The following FOXK2 variants were observed in gnomAD, a reference collection of about 807,000 sequenced individuals.
FOXK2 encodes forkhead box K2.
FOXK2 carries 24 observed loss-of-function variants against 53.3 expected under a neutral mutation model. The ratio of observed to expected loss-of-function variants is 0.45; its 90% confidence interval spans 0.33 to 0.63. The LOEUF (loss-of-function observed/expected upper bound fraction) is 0.63, where lower values mean the gene tolerates loss of function less well. Among genes scored for constraint, FOXK2 ranks in the 30% least tolerant of loss-of-function variants. The pLI is 0.03. For synonymous variants in FOXK2, 505 were observed against 407.1 expected (o/e 1.24, Z -2.89); for missense variants, 952 against 910.5 (o/e 1.05, Z -0.59).
Position 82,582,799 on chromosome 17 carries a change from A to G in FOXK2, c.968A>G (p.Gln323Arg). Reference protein sequence around the residue: ...NRYFIKVPRSQEEPGKGSFWR... With the variant: ...NRYFIKVPRSREEPGKGSFWR... ...TATTTCATCAAAGTGCCGCGTTCCC[A>G]GGAAGAACCAGGCAAAGGCTCGTTC... The change falls in exon 5 of 9, where the codon CAG (glutamine) becomes CGG (arginine). Residue 323 changes from glutamine (Q) to arginine (R), a missense_variant. This residue lies in a region of FOXK2 where 160 missense variants were observed against 214.2 expected (regional missense o/e 0.75). Coordinates refer to ENST00000335255, the MANE Select transcript of FOXK2 (RefSeq NM_004514.4). 6.2e-7 allele frequency: 1 copy of G among 1,610,638 alleles called. No individual in the cohort carries two copies. The highest frequency in any genetic ancestry group is 8.5e-7 in the Non-Finnish European group (1 of 1,179,138).
intron 1 of FOXK2, among the ~76,000 whole-genome samples, chr17:82,547,994 T>C (rs1239443535): frequency 6.6e-6 from 1 of 152,230 alleles, no homozygotes; most frequent in Non-Finnish European, 1.5e-5. Context: ...TGGATTCTCT[T>C]CTATGGATGT....
intron 2 of FOXK2, among the ~76,000 whole-genome samples, chr17:82,566,817 C>T (rs2044857435): frequency 6.6e-6 from 1 of 152,208 alleles, no homozygotes; most frequent in East Asian, 1.9e-4. Context: ...TCCCCGGGGC[C>T]TCCAGGTGGA....
intron 7 of FOXK2, among the ~76,000 whole-genome samples, chr17:82,586,449 CCGGGGGG>C (rs1567985321): frequency 0.019 from 59 of 3,034 alleles, 10 homozygotes; most frequent in South Asian, 0.06. Context: ...CAAAGGTGGG[CCGGGGGG>C]GGAAAGGAGG....
At chr17:82,550,502 CTT>C (rs1304088522) in intron 1 of FOXK2, among the ~76,000 whole-genome samples, 19 of 126,824 alleles carry the variant, frequency 1.5e-4, no homozygotes, top group Non-Finnish European at 1.7e-4. Context: ...CTGAGGCGGG[CTT>C]TTTTTTTTTT....
chr17:82,604,260 C>T lies in FOXK2; in HGVS notation c.*2761C>T, dbSNP rs931030105. 1 of 151,074 alleles carries T rather than the reference C, an allele frequency of 6.6e-6. No homozygotes were observed. Among genetic ancestry groups the T allele is most frequent in the Non-Finnish European group, 1.5e-5 (1 of 68,060 alleles). The allele number at this position is 151,074 out of a possible 1,614,324, so 9.4% of individuals were successfully genotyped here. Reference sequence around the variant, plus strand: ...GGGAACTCCCGTATGACCCACGTCACGTGGTGCACTCAGAGTGTGTGCGGC... The same window carrying T: ...GGGAACTCCCGTATGACCCACGTCATGTGGTGCACTCAGAGTGTGTGCGGC... On this transcript the variant is annotated 3_prime_UTR_variant, in exon 9 of 9. Coordinates refer to ENST00000335255, the MANE Select transcript of FOXK2 (RefSeq NM_004514.4).
chr17:82,542,223 G>A (rs2044581595), intron 1 of FOXK2, among the ~76,000 whole-genome samples: 1 of 148,994 alleles, frequency 6.7e-6, no homozygotes, highest in South Asian at 2.1e-4. Context: ...GTGCAATGGT[G>A]CGATCTCGGC....
intron 1 of FOXK2, among the ~76,000 whole-genome samples, chr17:82,541,375 T>G (rs933891858): frequency 6.7e-6 from 1 of 148,874 alleles, no homozygotes; most frequent in Non-Finnish European, 1.5e-5. Flanking sequence ...TGGGTTCAAG[T>G]GATTCTCGTG....
chr17:82,571,132 G>C (rs1232324355), intron 3 of FOXK2, among the ~76,000 whole-genome samples: 1 of 152,194 alleles, frequency 6.6e-6, no homozygotes, highest in East Asian at 1.9e-4. Context: ...TGGGGTAGCT[G>C]ACAGGATCTG....
intron 1 of FOXK2, among the ~76,000 whole-genome samples, chr17:82,550,477 C>T (rs1199648707): frequency 6.6e-6 from 1 of 150,736 alleles, no homozygotes; most frequent in African/African-American, 2.4e-5. Context: ...GCATTAAACT[C>T]CATGCCTGGC....
In FOXK2 at chr17:82,584,047, C is replaced by T. The variant is rs778044306; in HGVS notation, c.1138C>T (p.Leu380=). The part of the protein sequence containing the change: ...APASPNHAGV[L]SAHSSGAQTP... ...AGCCTCTCCCAATCACGCGGGAGTGCTGTCTGCTCACTCTAGTGGCGCCCA... is the reference window on the plus strand; with the variant it reads ...AGCCTCTCCCAATCACGCGGGAGTGTTGTCTGCTCACTCTAGTGGCGCCCA... The change falls in exon 6 of 9, where the codon CTG becomes TTG. Residue 380 remains leucine (L), a synonymous_variant. Coordinates refer to ENST00000335255, the MANE Select transcript of FOXK2 (RefSeq NM_004514.4). 4 of 1,610,488 alleles carry T rather than the reference C, an allele frequency of 2.5e-6. No individual in the cohort carries two copies. The highest frequency in any genetic ancestry group is 3.4e-6 in the Non-Finnish European group (4 of 1,178,874).
chr17:82,586,909 A>G (rs1007161253), intron 7 of FOXK2, among the ~76,000 whole-genome samples, 154 bp from the exon 8 acceptor site: 1 of 152,148 alleles, frequency 6.6e-6, no homozygotes, highest in Non-Finnish European at 1.5e-5. Context: ...CAAAAAACAA[A>G]AAAAAGATTT....
intron 8 of FOXK2, among the ~76,000 whole-genome samples, chr17:82,595,313 T>C (rs1035148961): frequency 5.3e-5 from 8 of 152,182 alleles, no homozygotes; most frequent in Non-Finnish European, 1.0e-4. Context: ...CTACGGCTTT[T>C]GTCTTGTTTT....
chr17:82,577,586 G>A (rs1226292024), intron 4 of FOXK2, among the ~76,000 whole-genome samples: 1 of 152,184 alleles, frequency 6.6e-6, no homozygotes, highest in African/African-American at 2.4e-5. Context: ...CGACACTGCG[G>A]GCCAAGGTCT....
chr17:82,538,045 G>T (rs1567966907), intron 1 of FOXK2, among the ~76,000 whole-genome samples: 1 of 151,942 alleles, frequency 6.6e-6, no homozygotes, highest in Non-Finnish European at 1.5e-5. Flanking sequence ...CCAACATGGT[G>T]AAACCCTGTC....
chr17:82,587,285 G>A lies in FOXK2; in HGVS notation c.1786+13G>A, dbSNP rs182437233. ...CAGGTGAACAATGGTAAGACATGCT[G>A]GTCGGTGGCTCCCCGTGGCTGTGGG... is the stretch of plus-strand genomic sequence containing the variant. On this transcript the variant is annotated intron_variant, in intron 8 of 8. Coordinates refer to ENST00000335255, the MANE Select transcript of FOXK2 (RefSeq NM_004514.4). 1.1e-5 allele frequency: 17 copies of A among 1,605,556 alleles called. No homozygotes were observed. The East Asian group carries it at 2.7e-4, about 26-fold the overall frequency.
chr17:82,601,394 G>A lies in FOXK2; in HGVS notation c.1878G>A (p.Gln626=). The A allele has an allele frequency of 6.2e-7, 1 of 1,613,320 alleles. No individual in the cohort carries two copies. Among genetic ancestry groups the A allele is most frequent in the Non-Finnish European group, 8.5e-7 (1 of 1,180,036 alleles). ...TKRHNGDQPE[Q]PELKRIKTED... The stretch of plus-strand genomic sequence containing the variant: ...GCCACAACGGTGACCAGCCGGAGCA[G>A]CCGGAGCTGAAGCGGATCAAGACAG... The change falls in exon 9 of 9, where the codon CAG becomes CAA. Residue 626 remains glutamine, a synonymous_variant. Coordinates refer to ENST00000335255, the MANE Select transcript of FOXK2 (RefSeq NM_004514.4).
intron 1 of FOXK2, among the ~76,000 whole-genome samples, chr17:82,548,852 A>G (rs2044650880): frequency 6.6e-6 from 1 of 152,068 alleles, no homozygotes; most frequent in South Asian, 2.1e-4. Flanking sequence ...GGGTAGAATG[A>G]TCTCAAGAGC....
intron 4 of FOXK2, among the ~76,000 whole-genome samples, chr17:82,574,220 G>A (rs1261458102): frequency 6.6e-6 from 1 of 152,166 alleles, no homozygotes; most frequent in Admixed American, 6.5e-5. Flanking sequence ...CCCCAGTAAG[G>A]CCACTCCTGT....
At position 82,582,772 on chromosome 17, in the gene FOXK2, G is replaced by A; in HGVS notation, c.941G>A (p.Arg314His). The A allele has an allele frequency of 6.2e-7, 1 of 1,602,576 alleles. No individual in the cohort carries two copies. The highest frequency in any genetic ancestry group is 8.5e-7 in the Non-Finnish European group (1 of 1,176,672). ...ATTCGCCACAATCTCTCTCTGAATC[G>A]TTATTTCATCAAAGTGCCGCGTTCC... ...NSIRHNLSLN[R>H]YFIKVPRSQE... The change falls in exon 5 of 9, where the codon CGT (arginine) becomes CAT (histidine). Residue 314 changes from arginine to histidine, a missense_variant. Arg to His is a conservative substitution (Grantham distance 29, BLOSUM62 0). Transcript: ENST00000335255.
Sources: allele counts gnomAD v4.1 joint callset (sites outside exome capture counted in the v4.1 genomes callset), GRCh38; gene constraint gnomAD v4.1.1; regional missense constraint gnomAD v4.1.1; transcripts MANE v1.5; gene names NCBI Gene and HGNC (gene_info 2026-07-23, HGNC 2026-07-21).